Variants in SLC13A3 observed in about 807,000 individuals in gnomAD.
SLC13A3 encodes solute carrier family 13 member 3.
A neutral mutation model predicts 59.0 loss-of-function variants in SLC13A3; 40 were observed. The ratio of observed to expected loss-of-function variants is 0.68; its 90% CI spans 0.53 to 0.88. The LOEUF is 0.88. Among genes scored for constraint, SLC13A3 ranks in the 40% least tolerant of loss-of-function variants. The pLI is 0.00. For synonymous variants in SLC13A3, 317 were observed against 330.3 expected (o/e 0.96, Z 0.44); for missense variants, 699 against 783.2 (o/e 0.89, Z 1.28).
At chr20:46,609,207 C>A (rs953296021) in intron 3 of SLC13A3, 3 of 1,269,182 alleles carry the variant, frequency 2.4e-6, no homozygotes, top group African/African-American at 1.5e-5. Context: ...CACTTTGCAA[C>A]CATAAGACCA....
chr20:46,600,834 A>T (rs952934399), intron 3 of SLC13A3, among the ~76,000 whole-genome samples: 7 of 152,216 alleles, frequency 4.6e-5, no homozygotes, highest in Non-Finnish European at 1.0e-4. Flanking sequence ...AATTTTAGGT[A>T]GGGACAAATG....
chr20:46,613,872 T>A, intron 1 of SLC13A3, 147 bp from the exon 2 acceptor site: 3 of 677,646 alleles, frequency 4.4e-6, no homozygotes, highest in Non-Finnish European at 7.3e-6. Context: ...CCCGGCTTGT[T>A]CTCAGGGCAG....
chr20:46,636,381 A>C (rs2425890), intron 1 of SLC13A3, among the ~76,000 whole-genome samples: 99,791 of 152,064 alleles, frequency 0.66, 32,741 homozygotes, highest in East Asian at 0.75. Flanking sequence ...TGGTACCTAG[A>C]AGGTACTCAA....
At chr20:46,574,899 A>G (rs1308619442) in intron 10 of SLC13A3, among the ~76,000 whole-genome samples, 1 of 146,034 alleles carries the variant, frequency 6.8e-6, no homozygotes, top group East Asian at 2.0e-4. Context: ...GTACAGTATT[A>G]TGATCATGAC....
At chr20:46,609,009 G>A (rs2062464138) in intron 3 of SLC13A3, 1 of 1,550,508 alleles carries the variant, frequency 6.4e-7, no homozygotes, top group African/African-American at 1.4e-5. Flanking sequence ...CACAAGGGGA[G>A]CTTGAAGTTT....
At chr20:46,654,615 C>T (rs1413587998), upstream of SLC13A3, among the ~76,000 whole-genome samples, 5 of 152,142 alleles carry the variant, frequency 3.3e-5, no homozygotes, top group East Asian at 1.9e-4. Flanking sequence ...CTGCAACCTC[C>T]GCCTTCCAGG....
At chr20:46,599,613 GT>G (rs1444694795) in intron 4 of SLC13A3, among the ~76,000 whole-genome samples, 1 of 151,908 alleles carries the variant, frequency 6.6e-6, no homozygotes, top group Non-Finnish European at 1.5e-5. Context: ...GAATTTTTTT[GT>G]CTGTATGGAC....
chr20:46,672,672 G>A (rs114380547), upstream of SLC13A3, among the ~76,000 whole-genome samples: 151 of 152,272 alleles, frequency 9.9e-4, 1 homozygote, highest in African/African-American at 3.5e-3. Context: ...GAAGTGACCC[G>A]ATACGGCTTC....
chr20:46,590,008 T>C (rs2062237454), intron 6 of SLC13A3, among the ~76,000 whole-genome samples: 1 of 152,198 alleles, frequency 6.6e-6, no homozygotes, highest in African/African-American at 2.4e-5. Flanking sequence ...GCCCTTGGAA[T>C]AGGCAACAGT....
At position 46,582,079 on chromosome 20, in the gene SLC13A3, G is replaced by A. The variant is rs539459343; in HGVS notation, c.1219+1493C>T. 2.0e-5 allele frequency among the ~76,000 whole-genome samples: 3 copies of A among 152,074 alleles called. No homozygotes were observed. The South Asian group carries it at 6.2e-4, about 32-fold the overall frequency. ...GAGACGGGAGGGTCACTTGAGGCTA[G>A]GAGTTCAAGACCAGCCTGGGTAATG... On this transcript the variant is annotated intron_variant, in intron 9 of 12. Coordinates refer to ENST00000279027, the MANE Select transcript of SLC13A3 (RefSeq NM_022829.6).
chr20:46,560,420 G>A (rs778835306), intron 12 of SLC13A3, among the ~76,000 whole-genome samples: 2 of 152,150 alleles, frequency 1.3e-5, no homozygotes, highest in Non-Finnish European at 2.9e-5. Context: ...TTCATTGATG[G>A]CCTCTAGGTT....
At chr20:46,676,395 A>G (rs1451675254) in intron 1 of SLC13A3, among the ~76,000 whole-genome samples, 1 of 140,182 alleles carries the variant, frequency 7.1e-6, no homozygotes, top group Non-Finnish European at 1.5e-5. Context: ...CACCAAGGGC[A>G]GCCACTCTCT....
chr20:46,652,402 T>G (rs2062957902), upstream of SLC13A3, among the ~76,000 whole-genome samples: 1 of 152,110 alleles, frequency 6.6e-6, no homozygotes, highest in East Asian at 1.9e-4. Flanking sequence ...TTTTTTCTTT[T>G]TTTTGAGATG....
At chr20:46,682,973 A>G (rs2122956568) in intron 1 of SLC13A3, among the ~76,000 whole-genome samples, 1 of 152,216 alleles carries the variant, frequency 6.6e-6, no homozygotes, top group Middle Eastern at 3.4e-3. Context: ...ACATTTGTTA[A>G]CCCTTTATTT....
chr20:46,583,374 T>A (rs2062158123), intron 9 of SLC13A3, 198 bp downstream of exon 9: 1 of 1,342,888 alleles, frequency 7.4e-7, no homozygotes, highest in African/African-American at 1.5e-5. Context: ...GTCTGAAGAC[T>A]GTAGTTGCTA....
At chr20:46,635,025 C>T (rs187319495) in intron 1 of SLC13A3, among the ~76,000 whole-genome samples, 3 of 152,254 alleles carry the variant, frequency 2.0e-5, no homozygotes, top group East Asian at 1.9e-4. Flanking sequence ...TGGGGTGGGA[C>T]GAGCCTTTAA....
At chr20:46,597,259 A>G (rs1470362014) in intron 4 of SLC13A3, among the ~76,000 whole-genome samples, 1 of 124,590 alleles carries the variant, frequency 8.0e-6, no homozygotes, top group African/African-American at 3.4e-5. Flanking sequence ...AAGAATTACT[A>G]AGTACATAAG....
chr20:46,650,468 A>G (rs1253698855), intron 1 of SLC13A3, among the ~76,000 whole-genome samples: 3 of 152,228 alleles, frequency 2.0e-5, no homozygotes, highest in Non-Finnish European at 4.4e-5. Context: ...GTAAGCACTC[A>G]TGAATCTTAC....
intron 1 of SLC13A3, among the ~76,000 whole-genome samples, chr20:46,631,569 T>C (rs1163303373): frequency 6.6e-6 from 1 of 152,066 alleles, no homozygotes; most frequent in Non-Finnish European, 1.5e-5. Context: ...TCAATCTTGC[T>C]CTCCAAATGC....
Sources: allele counts gnomAD v4.1 joint callset (sites outside exome capture counted in the v4.1 genomes callset), GRCh38; gene constraint gnomAD v4.1.1; transcripts MANE v1.5; gene names NCBI Gene and HGNC (gene_info 2026-07-23, HGNC 2026-07-21).